Variants in SLC25A13 observed in about 807,000 individuals in gnomAD.
SLC25A13 encodes solute carrier family 25 member 13.
In SLC25A13, 70 loss-of-function variants were observed where a neutral mutation model predicts 85.5. The ratio of observed to expected loss-of-function variants is 0.82; its 90% CI spans 0.68 to 1.00. The LOEUF (loss-of-function observed/expected upper bound fraction) is 1.00. Ranked by LOEUF, SLC25A13 falls within the 50% of genes least tolerant of loss-of-function variation. The probability of loss-of-function intolerance (pLI) is 0.00; values close to 1 mark genes in which losing one functional copy is unlikely to be tolerated. For synonymous variants in SLC25A13, 259 were observed against 288.7 expected (o/e 0.90, Z 1.04); for missense variants, 765 against 819.8 (o/e 0.93, Z 0.82).
chr7:96,153,718 T>G (rs1197235825), intron 13 of SLC25A13, among the ~76,000 whole-genome samples: 1 of 152,256 alleles, frequency 6.6e-6, no homozygotes, highest in Non-Finnish European at 1.5e-5. Context: ...CTATTAGTAT[T>G]GAATACTAGC....
chr7:96,260,052 C>T (rs1228247855), intron 3 of SLC25A13, among the ~76,000 whole-genome samples: 3 of 56,484 alleles, frequency 5.3e-5, no homozygotes, highest in East Asian at 9.5e-4. Flanking sequence ...TGGGGCCTGT[C>T]GGGGGGTGGG....
chr7:96,171,186 C>T (rs576126873), intron 12 of SLC25A13, among the ~76,000 whole-genome samples: 1 of 152,292 alleles, frequency 6.6e-6, no homozygotes, highest in South Asian at 2.1e-4. Flanking sequence ...ACGTAATATA[C>T]GTCATGTGCC....
intron 1 of SLC25A13, among the ~76,000 whole-genome samples, chr7:96,300,641 C>T (rs1182400720): frequency 1.3e-5 from 2 of 152,136 alleles, no homozygotes; most frequent in Admixed American, 6.5e-5. Context: ...ACTAAATAAA[C>T]ATTGTGGCCA....
At chr7:96,169,863 AT>A in intron 13 of SLC25A13, 181 bp downstream of exon 13, 1 of 654,156 alleles carries the variant, frequency 1.5e-6, no homozygotes, top group Non-Finnish European at 2.8e-6. Context: ...GGTCAGAAAC[AT>A]TTACCCTTCC....
At position 96,189,288 on chromosome 7, in the gene SLC25A13, G is replaced by A. The variant is rs573297782; in HGVS notation, c.933+6C>T. 3 of 1,613,488 alleles carry A rather than the reference G, an allele frequency of 1.9e-6. No homozygotes were observed. The highest frequency in any genetic ancestry group is 3.3e-5 in the Admixed American group (2 of 59,984). On this transcript the variant is annotated splice_donor_region_variant and intron_variant, in intron 9 of 17. Transcript: ENST00000265631. ...CCAGAATGCAAGTTTGCTCCTCTTT[G>A]CTCACCTGCCTCTGGGCCTCAGCCA...
chr7:96,189,191 G>T (rs1272940400), intron 9 of SLC25A13, 103 bp downstream of exon 9: 27 of 958,024 alleles, frequency 2.8e-5, no homozygotes, highest in Non-Finnish European at 4.1e-5. Context: ...CAGAAAAATG[G>T]TTAAGTCAGA....
chr7:96,278,397 GTT>G (rs1425030717), intron 2 of SLC25A13, among the ~76,000 whole-genome samples: 4 of 152,180 alleles, frequency 2.6e-5, no homozygotes, highest in Non-Finnish European at 5.9e-5. Flanking sequence ...GATTAAAACT[GTT>G]TTTAAAAGTC....
Position 96,184,450 on chromosome 7 carries a change from TATC to T in SLC25A13, c.1019-18_1019-16del. On this transcript the variant is annotated splice_polypyrimidine_tract_variant and intron_variant, in intron 10 of 17. Coordinates refer to ENST00000265631, the MANE Select transcript of SLC25A13 (RefSeq NM_014251.3). Reference sequence around the variant, plus strand: ...GGCTCCAACAGCTAAAATTAAACAATATCATTATCTCAGAAGAAAGTAAGATAG... The same window carrying T: ...GGCTCCAACAGCTAAAATTAAACAATATTATCTCAGAAGAAAGTAAGATAG... The T allele has an allele frequency of 6.2e-6, 10 of 1,612,830 alleles. No individual in the cohort carries two copies. Among genetic ancestry groups the T allele is most frequent in the Non-Finnish European group, 8.5e-6 (10 of 1,179,122 alleles).
intron 14 of SLC25A13, among the ~76,000 whole-genome samples, chr7:96,139,210 C>G (rs1397494829): frequency 1.3e-5 from 2 of 152,110 alleles, no homozygotes; most frequent in Admixed American, 1.3e-4. Context: ...ATCTGAAGCA[C>G]AGGGGAAGTT....
At chr7:96,305,331 T>C (rs1799704771) in intron 1 of SLC25A13, among the ~76,000 whole-genome samples, 1 of 152,212 alleles carries the variant, frequency 6.6e-6, no homozygotes, top group Non-Finnish European at 1.5e-5. Context: ...AACATTGTAA[T>C]TGTAACCAAT....
At chr7:96,197,151 TCA>T (rs1795095229) in intron 5 of SLC25A13, among the ~76,000 whole-genome samples, 2 of 152,168 alleles carry the variant, frequency 1.3e-5, no homozygotes, top group African/African-American at 4.8e-5. Flanking sequence ...ATGGGGAACC[TCA>T]GACAAAGCTA....
chr7:96,124,639 T>C (rs1791651704), intron 15 of SLC25A13, among the ~76,000 whole-genome samples: 1 of 152,236 alleles, frequency 6.6e-6, no homozygotes, highest in African/African-American at 2.4e-5. Flanking sequence ...TCTTTCAATC[T>C]TTCTATGTCA....
chr7:96,142,353 G>A (rs943036162), intron 14 of SLC25A13, among the ~76,000 whole-genome samples: 2 of 152,168 alleles, frequency 1.3e-5, no homozygotes, highest in Non-Finnish European at 2.9e-5. Context: ...GTGAAAATGT[G>A]ATATCTGGTT....
At chr7:96,296,170 G>A (rs548643958) in intron 2 of SLC25A13, among the ~76,000 whole-genome samples, 9 of 152,032 alleles carry the variant, frequency 5.9e-5, no homozygotes, top group Non-Finnish European at 1.2e-4. Context: ...ATAAAGTGAT[G>A]ATAATGATGA....
In SLC25A13 at chr7:96,322,020, G is replaced by T. The variant is rs955270447; in HGVS notation, c.-64C>A. On this transcript the variant is annotated 5_prime_UTR_variant, in exon 1 of 18. Transcript: ENST00000265631. ...CTGGCTGGCTGGCGTTTGGGACCCG[G>T]GCGGCTCACTTCTAGTCCCGGCGGC... 2.6e-6 allele frequency: 4 copies of T among 1,529,546 alleles called. No homozygotes were observed. In the African/African-American group the frequency reaches 5.7e-5, roughly 22 times the overall value. The allele number at this position is 1,529,546 out of a possible 1,614,324, so 94.7% of individuals were successfully genotyped here. A position where few individuals can be genotyped will look rare whatever the true frequency, so the allele number is the denominator to read the frequency against.
At chr7:96,315,577 T>C (rs1272142685) in intron 1 of SLC25A13, among the ~76,000 whole-genome samples, 2 of 152,086 alleles carry the variant, frequency 1.3e-5, no homozygotes, top group East Asian at 1.9e-4. Context: ...AGAGTAAAGA[T>C]CATTGTGTTA....
chr7:96,139,338 C>T (rs1360956071), intron 14 of SLC25A13, among the ~76,000 whole-genome samples: 1 of 152,126 alleles, frequency 6.6e-6, no homozygotes, highest in Admixed American at 6.5e-5. Context: ...GTGCAACAAA[C>T]CCGCACATGT....
chr7:96,264,046 G>A (rs189147861), intron 3 of SLC25A13, among the ~76,000 whole-genome samples: 2 of 152,120 alleles, frequency 1.3e-5, no homozygotes, highest in African/African-American at 2.4e-5. Flanking sequence ...TCCTTGCCCA[G>A]ACTAAATCTA....
At chr7:96,182,343 A>G (rs566100799) in intron 11 of SLC25A13, among the ~76,000 whole-genome samples, 1 of 152,320 alleles carries the variant, frequency 6.6e-6, no homozygotes, top group South Asian at 2.1e-4. Context: ...ATCAGGAAGA[A>G]ATGAACACAG....
Sources: allele counts gnomAD v4.1 joint callset (sites outside exome capture counted in the v4.1 genomes callset), GRCh38; gene constraint gnomAD v4.1.1; transcripts MANE v1.5; gene names NCBI Gene and HGNC (gene_info 2026-07-23, HGNC 2026-07-21).